The following FBLN2 variants were observed in gnomAD, a reference collection of about 807,000 sequenced individuals.
The protein encoded by FBLN2 is fibulin 2.
FBLN2 carries 81 observed loss-of-function variants against 123.7 expected under a neutral mutation model. The ratio of observed to expected loss-of-function variants is 0.65; its 90% confidence interval spans 0.55 to 0.79. FBLN2 has a LOEUF of 0.79. Ranked by LOEUF, FBLN2 falls within the 30% of genes least tolerant of loss-of-function variation. The pLI is 0.00. For missense variants in FBLN2, 1,603 were observed against 1,681.3 expected, an observed-to-expected ratio of 0.95 and a Z score of 0.81; for synonymous variants, 699 against 701.4, an observed-to-expected ratio of 1.00 and a Z score of 0.05.
At chr3:13,552,739 GA>G (rs1430189892) in intron 1 of FBLN2, among the ~76,000 whole-genome samples, 1 of 152,096 alleles carries the variant, frequency 6.6e-6, no homozygotes, top group Non-Finnish European at 1.5e-5. Flanking sequence ...GGCGGCCAGG[GA>G]GGGGCTCCCT....
chr3:13,609,170 C>T (rs1309549909), intron 3 of FBLN2, among the ~76,000 whole-genome samples: 3 of 152,218 alleles, frequency 2.0e-5, no homozygotes, highest in South Asian at 2.1e-4. Context: ...ACCAGGGACC[C>T]GGAGGCTGTG....
intron 2 of FBLN2, among the ~76,000 whole-genome samples, chr3:13,593,732 A>AAAAAAGG (rs1704751279): frequency 4.7e-5 from 7 of 149,548 alleles, no homozygotes; most frequent in African/African-American, 7.5e-5. Flanking sequence ...AAAAAAAAAA[A>AAAAAAGG]GTGGAAGATA....
chr3:13,593,770 G>T (rs115348358), intron 2 of FBLN2, among the ~76,000 whole-genome samples: 2,039 of 151,814 alleles, frequency 0.013, 56 homozygotes, highest in African/African-American at 0.047. Flanking sequence ...GGGTTGTGGG[G>T]AGAATTAAGT....
At chr3:13,614,635 T>TATCC (rs375890094) in intron 5 of FBLN2, among the ~76,000 whole-genome samples, 49,280 of 131,556 alleles carry the variant, frequency 0.37, 9,402 homozygotes, top group South Asian at 0.46. Context: ...CCCACCCAAT[T>TATCC]ATCCATCCAT....
Position 13,627,858 on chromosome 3 carries a change from C to T in FBLN2, c.2458C>T (p.His820Tyr), listed in dbSNP as rs755237733. The change falls in exon 11 of 18, where the codon CAC (histidine) becomes TAC (tyrosine). Residue 820 changes from histidine (H) to tyrosine (Y), a missense_variant. Coordinates refer to ENST00000404922, the MANE Select transcript of FBLN2 (RefSeq NM_001004019.2). ...CGTGGATGAGTGTGCGATGGGCACG[C>T]ACACCTGCCAGCCGGGCTTCTTGTG... Reference protein sequence around the residue: ...EDVDECAMGTHTCQPGFLCQN... With the variant: ...EDVDECAMGTYTCQPGFLCQN... The T allele has an allele frequency of 1.2e-6, 2 of 1,613,516 alleles. No individual in the cohort carries two copies. The highest frequency in any genetic ancestry group is 1.7e-6 in the Non-Finnish European group (2 of 1,179,776).
At chr3:13,627,708 T>C in intron 10 of FBLN2, 124 bp from the exon 11 acceptor site, 1 of 1,279,054 alleles carries the variant, frequency 7.8e-7, no homozygotes, top group Admixed American at 2.9e-5. Context: ...TGTGCCAGCT[T>C]CCCAGGGAGA....
At chr3:13,617,152 A>G (rs1574987100) in intron 5 of FBLN2, among the ~76,000 whole-genome samples, 1 of 151,006 alleles carries the variant, frequency 6.6e-6, no homozygotes, top group Non-Finnish European at 1.5e-5. Flanking sequence ...CAATCCATCC[A>G]TCCATCCATC....
intron 5 of FBLN2, among the ~76,000 whole-genome samples, chr3:13,616,125 A>G (rs1285777036): frequency 1.3e-5 from 2 of 152,136 alleles, no homozygotes; most frequent in Non-Finnish European, 2.9e-5. Context: ...AGATGTACCA[A>G]CCACCCTTGC....
chr3:13,637,377 T>C (rs1706512860), intron 17 of FBLN2, among the ~76,000 whole-genome samples, 185 bp from the exon 18 acceptor site: 1 of 152,234 alleles, frequency 6.6e-6, no homozygotes, highest in African/African-American at 2.4e-5. Flanking sequence ...GAAGGTTTTA[T>C]TAACCTCATC....
chr3:13,584,379 G>C (rs1704431827), intron 2 of FBLN2, among the ~76,000 whole-genome samples: 1 of 152,172 alleles, frequency 6.6e-6, no homozygotes, highest in Non-Finnish European at 1.5e-5. Context: ...GGGGGCCCAG[G>C]AGCCCTGACT....
At chr3:13,595,609 C>T (rs543456957) in intron 2 of FBLN2, among the ~76,000 whole-genome samples, 64 of 152,322 alleles carry the variant, frequency 4.2e-4, no homozygotes, top group African/African-American at 1.3e-3. Context: ...TGCTCAGGCC[C>T]CACAAATATC....
At position 13,631,400 on chromosome 3, in the gene FBLN2, C is replaced by T. The variant is rs1200210885; in HGVS notation, c.3157C>T (p.Gln1053Ter). Reference protein sequence around the residue: ...FRCLNVPGSYQCACPEQGYTM... With the variant: ...FRCLNVPGSY ...CTGTCTCAACGTGCCAGGGAGCTAC[C>T]AGTGTGCATGCCCTGAGCAGGGCTA... The change falls in exon 16 of 18, where the codon CAG (glutamine) becomes TAG (stop). Residue 1053 changes from glutamine (Q) to a stop codon, truncating the protein, a stop_gained. Transcript: ENST00000404922. LOFTEE classifies it high-confidence loss of function. The T allele has an allele frequency of 6.2e-7, 1 of 1,601,700 alleles. No individual in the cohort carries two copies. Among genetic ancestry groups the T allele is most frequent in the East Asian group, 2.3e-5 (1 of 44,386 alleles).
rs557825806 is a variant in FBLN2 at position 13,577,296 on chromosome 3, C to G, written c.1306+5635C>G. ...GGGAGTCCTCCCTGGGGCGGTGACC[C>G]GAGCAGAGAGCTGAAAGGGGAGGAG... On this transcript the variant is annotated intron_variant, in intron 2 of 17. Coordinates refer to ENST00000404922, the MANE Select transcript of FBLN2 (RefSeq NM_001004019.2). 5.9e-5 allele frequency among the ~76,000 whole-genome samples: 9 copies of G among 151,628 alleles called. No homozygotes were observed. The East Asian group carries it at 1.2e-3, about 20-fold the overall frequency.
At chr3:13,605,435 G>A (rs1705169990) in intron 2 of FBLN2, among the ~76,000 whole-genome samples, 1 of 152,130 alleles carries the variant, frequency 6.6e-6, no homozygotes, top group South Asian at 2.1e-4. Flanking sequence ...GTTTAAATTT[G>A]TATAGTAGAA....
At chr3:13,569,443 T>G (rs1703850706) in intron 1 of FBLN2, among the ~76,000 whole-genome samples, 1 of 148,738 alleles carries the variant, frequency 6.7e-6, no homozygotes, top group Non-Finnish European at 1.5e-5. Flanking sequence ...GCTGTTCCAG[T>G]GGAGATCAGA....
At chr3:13,609,688 G>GGGGGGGCGGC in intron 4 of FBLN2, 46 bp downstream of exon 4, 1 of 512,604 alleles carries the variant, frequency 2.0e-6, no homozygotes, top group Non-Finnish European at 3.6e-6. Context: ...GTGGGGCGGG[G>GGGGGGGCGGC]CGGGAGGCTG....
At chr3:13,606,722 G>C (rs748554803) in intron 2 of FBLN2, among the ~76,000 whole-genome samples, 9 of 152,104 alleles carry the variant, frequency 5.9e-5, no homozygotes, top group Non-Finnish European at 1.3e-4. Context: ...AATGATCTCA[G>C]CTCACCACAA....
At chr3:13,630,966 GTGACCTTGGGCAGATTGCCTCTCCACTC>G (rs1163501374) in intron 15 of FBLN2, among the ~76,000 whole-genome samples, 151 bp downstream of exon 15, 1 of 152,192 alleles carries the variant, frequency 6.6e-6, no homozygotes, top group African/African-American at 2.4e-5. Flanking sequence ...TCCTGGCTGT[GTGACCTTGGGCAGATTGCCTCTCCACTC>G]TGACCTCAGG....
intron 2 of FBLN2, among the ~76,000 whole-genome samples, chr3:13,576,728 C>CG (rs1491538590): frequency 2.6e-5 from 4 of 151,676 alleles, no homozygotes; most frequent in African/African-American, 7.3e-5. Context: ...GATCCCCCCC[C>CG]CCCGGGTTCA....
Sources: gnomAD v4.1 joint callset for allele counts (sites outside exome capture counted in the v4.1 genomes callset) on GRCh38, gnomAD v4.1.1 for gene constraint, MANE v1.5 for transcripts, NCBI Gene and HGNC (gene_info 2026-07-23, HGNC 2026-07-21) for gene names.